The following CNTN5 variants were observed in gnomAD, a reference collection of about 807,000 sequenced individuals.
The protein encoded by CNTN5 is contactin 5.
A neutral mutation model predicts 129.1 loss-of-function variants in CNTN5; 77 were observed. The observed-to-expected ratio is 0.60, with a 90% confidence interval of 0.50 to 0.72. The LOEUF is 0.72. Ranked by LOEUF, CNTN5 falls within the 30% of genes least tolerant of loss-of-function variation. The pLI, the probability that CNTN5 is intolerant of heterozygous loss-of-function variation, is 0.00. For missense variants in CNTN5, 1,478 were observed against 1,328.8 expected (o/e 1.11, Z -1.75); for synonymous variants, 509 against 465.6 (o/e 1.09, Z -1.20).
chr11:99,851,102 G>T (rs1947859418), intron 6 of CNTN5, among the ~76,000 whole-genome samples: 1 of 150,434 alleles, frequency 6.6e-6, no homozygotes, highest in South Asian at 2.1e-4. Context: ...CTGCCTCATG[G>T]GCTTAAATGT....
intron 13 of CNTN5, among the ~76,000 whole-genome samples, chr11:100,177,085 T>C (rs921464700): frequency 6.6e-6 from 1 of 152,046 alleles, no homozygotes; most frequent in African/African-American, 2.4e-5. Context: ...TTTGTAATTT[T>C]AGAAATTAAA....
intron 8 of CNTN5, among the ~76,000 whole-genome samples, chr11:99,974,988 A>G (rs2137324064): frequency 6.6e-6 from 1 of 152,372 alleles, no homozygotes; most frequent in Non-Finnish European, 1.5e-5. Context: ...TGGTGATCAA[A>G]TAACTTGTAG....
At chr11:99,698,932 T>G (rs935349315) in intron 3 of CNTN5, among the ~76,000 whole-genome samples, 4 of 149,382 alleles carry the variant, frequency 2.7e-5, no homozygotes, top group South Asian at 2.1e-4. Context: ...AAAAAAAACT[T>G]GATTCTGAGG....
intron 3 of CNTN5, among the ~76,000 whole-genome samples, chr11:99,618,132 T>C (rs1031777236): frequency 7.9e-5 from 12 of 152,078 alleles, no homozygotes; most frequent in Non-Finnish European, 1.8e-4. Context: ...TGGAAAGTGG[T>C]TTTCAAATTT....
At chr11:99,231,271 C>T (rs1398840651) in intron 1 of CNTN5, among the ~76,000 whole-genome samples, 1 of 152,172 alleles carries the variant, frequency 6.6e-6, no homozygotes, top group African/African-American at 2.4e-5. Context: ...TTCCCATCAA[C>T]TGTGTAAAAG....
chr11:99,610,101 A>T lies in CNTN5; in HGVS notation c.55+53832A>T, dbSNP rs564058504. 9.8e-5 allele frequency among the ~76,000 whole-genome samples: 15 copies of T among 152,300 alleles called. No individual in the cohort carries two copies. In the South Asian group the frequency reaches 1.0e-3, roughly 11 times the overall value. On this transcript the variant is annotated intron_variant, in intron 3 of 24. Coordinates refer to ENST00000524871, the MANE Select transcript of CNTN5 (RefSeq NM_014361.4). ...AGACGATATATGGTAGAGCTTTGTC[A>T]GTCTAGTTCAAAAGTCAAAACACTT...
intron 2 of CNTN5, among the ~76,000 whole-genome samples, chr11:99,336,934 C>T (rs959070537): frequency 6.6e-6 from 1 of 151,970 alleles, no homozygotes; most frequent in African/African-American, 2.4e-5. Flanking sequence ...AAAAGGGAAA[C>T]ATGCTTGGTG....
At chr11:99,065,310 C>A (rs1003769491) in intron 1 of CNTN5, among the ~76,000 whole-genome samples, 34 of 152,076 alleles carry the variant, frequency 2.2e-4, no homozygotes, top group Non-Finnish European at 3.4e-4. Flanking sequence ...CTCTCCAGGG[C>A]TGTGCAAAGT....
chr11:99,886,914 A>G (rs111655577), intron 6 of CNTN5, among the ~76,000 whole-genome samples: 108 of 152,258 alleles, frequency 7.1e-4, no homozygotes, highest in Middle Eastern at 3.4e-3. Flanking sequence ...AAAAGGATCT[A>G]TAAGCGCTTA....
intron 1 of CNTN5, among the ~76,000 whole-genome samples, chr11:99,158,240 T>C (rs1360795143): frequency 1.3e-5 from 2 of 152,124 alleles, no homozygotes; most frequent in African/African-American, 4.8e-5. Flanking sequence ...CTGAACTTAC[T>C]GCTTTGTATT....
intron 6 of CNTN5, among the ~76,000 whole-genome samples, chr11:99,872,056 C>T (rs1948516514): frequency 6.6e-6 from 1 of 151,774 alleles, no homozygotes; most frequent in South Asian, 2.1e-4. Context: ...TTTTAAAGGA[C>T]ATATTTATGA....
At chr11:99,973,960 G>T (rs1395365017) in intron 8 of CNTN5, among the ~76,000 whole-genome samples, 1 of 152,082 alleles carries the variant, frequency 6.6e-6, no homozygotes, top group African/African-American at 2.4e-5. Context: ...CATACTGAGA[G>T]GTAATTCAGT....
chr11:99,826,222 G>T (rs1946952789), intron 4 of CNTN5, among the ~76,000 whole-genome samples: 1 of 152,016 alleles, frequency 6.6e-6, no homozygotes, highest in South Asian at 2.1e-4. Context: ...CATGTGGAAA[G>T]GAAGTATTTT....
intron 2 of CNTN5, among the ~76,000 whole-genome samples, chr11:99,428,356 T>C (rs1219733916): frequency 6.6e-6 from 1 of 151,962 alleles, no homozygotes; most frequent in Non-Finnish European, 1.5e-5. Context: ...GCTCAGGAGT[T>C]GAAGACCAGC....
At chr11:100,078,668 A>G (rs1944241899) in intron 13 of CNTN5, among the ~76,000 whole-genome samples, 1 of 152,174 alleles carries the variant, frequency 6.6e-6, no homozygotes, top group Non-Finnish European at 1.5e-5. Context: ...TTATCTTACT[A>G]AATTAAAAGA....
chr11:99,393,781 A>G (rs1423072506), intron 2 of CNTN5, among the ~76,000 whole-genome samples: 1 of 151,746 alleles, frequency 6.6e-6, no homozygotes, highest in Non-Finnish European at 1.5e-5. Flanking sequence ...TTGAAATTAT[A>G]CAAGCTTTGT....
intron 2 of CNTN5, among the ~76,000 whole-genome samples, chr11:99,513,121 G>C (rs1024500091): frequency 4.6e-5 from 7 of 152,138 alleles, no homozygotes; most frequent in African/African-American, 1.7e-4. Context: ...TGCCAATAGA[G>C]AGAAAGTTTT....
At chr11:100,312,646 A>G (rs1422764451) in intron 21 of CNTN5, among the ~76,000 whole-genome samples, 2 of 152,082 alleles carry the variant, frequency 1.3e-5, no homozygotes, top group Non-Finnish European at 2.9e-5. Flanking sequence ...AAACAAGGGC[A>G]TTTGTCATCA....
At chr11:99,781,507 T>C (rs890770268) in intron 3 of CNTN5, among the ~76,000 whole-genome samples, 7 of 152,086 alleles carry the variant, frequency 4.6e-5, no homozygotes, top group Non-Finnish European at 7.4e-5. Flanking sequence ...CCTTATCTTG[T>C]AGCTACTATA....
Sources: allele counts gnomAD v4.1 joint callset (sites outside exome capture counted in the v4.1 genomes callset), GRCh38; gene constraint gnomAD v4.1.1; transcripts MANE v1.5; gene names NCBI Gene and HGNC (gene_info 2026-07-23, HGNC 2026-07-21).